The following OSBPL10 variants were observed in gnomAD, a reference collection of about 807,000 sequenced individuals.
OSBPL10 encodes oxysterol binding protein like 10, also known as oxysterol-binding protein-related protein 10.
In OSBPL10, 49 loss-of-function variants were observed where a neutral mutation model predicts 81.7. The observed-to-expected ratio is 0.60, with a 90% confidence interval of 0.48 to 0.76. The LOEUF is 0.76. OSBPL10 is among the 30% of genes least tolerant of loss of function. The probability of loss-of-function intolerance (pLI) is 0.00; values close to 1 mark genes in which losing one functional copy is unlikely to be tolerated. For missense variants in OSBPL10, 923 were observed against 987.8 expected (o/e 0.93, Z 0.88); for synonymous variants, 419 against 383.6 (o/e 1.09, Z -1.08).
At chr3:31,850,054 A>C (rs1379062615) in intron 3 of OSBPL10, among the ~76,000 whole-genome samples, 1 of 152,128 alleles carries the variant, frequency 6.6e-6, no homozygotes, top group Non-Finnish European at 1.5e-5. Flanking sequence ...AATCCCAGCT[A>C]CTCGGGAGGC....
chr3:31,963,762 T>C (rs942659164), intron 1 of OSBPL10, among the ~76,000 whole-genome samples: 18 of 152,270 alleles, frequency 1.2e-4, no homozygotes, highest in African/African-American at 3.6e-4. Context: ...TTTTGTTCCA[T>C]AGTCATGAAA....
intron 4 of OSBPL10, among the ~76,000 whole-genome samples, chr3:31,776,118 A>C (rs2198761): frequency 0.8 from 121,345 of 151,866 alleles, 48,665 homozygotes; most frequent in African/African-American, 0.86. Context: ...ACTCAATGGT[A>C]TCAAGCAGAG....
intron 6 of OSBPL10, among the ~76,000 whole-genome samples, chr3:31,713,419 C>CA (rs931487661): frequency 6.6e-6 from 1 of 152,030 alleles, no homozygotes; most frequent in Non-Finnish European, 1.5e-5. Flanking sequence ...TATTTTGTGA[C>CA]AGAGTCTCAC....
chr3:31,941,924 C>T (rs1179067091), intron 1 of OSBPL10, among the ~76,000 whole-genome samples: 1 of 152,174 alleles, frequency 6.6e-6, no homozygotes, highest in African/African-American at 2.4e-5. Context: ...GAACTATTAT[C>T]GGCTGGCTGC....
At chr3:31,692,118 T>A (rs984502867) in intron 7 of OSBPL10, among the ~76,000 whole-genome samples, 3 of 152,162 alleles carry the variant, frequency 2.0e-5, no homozygotes, top group Admixed American at 2.0e-4. Flanking sequence ...TAGAAAGATA[T>A]CTGTTGAAGT....
chr3:31,672,833 T>C (rs758538880), intron 8 of OSBPL10, among the ~76,000 whole-genome samples: 6 of 152,098 alleles, frequency 3.9e-5, no homozygotes, highest in Non-Finnish European at 7.4e-5. Flanking sequence ...ATGAAGGCAC[T>C]GAGACACCCA....
At chr3:32,015,778 T>A (rs1699307765) in intron 2 of OSBPL10, among the ~76,000 whole-genome samples, 1 of 152,120 alleles carries the variant, frequency 6.6e-6, no homozygotes, top group Non-Finnish European at 1.5e-5. Context: ...CATCAACAAG[T>A]GGGCGAAGGA....
At chr3:31,845,775 G>A (rs1267509215) in intron 3 of OSBPL10, among the ~76,000 whole-genome samples, 1 of 152,140 alleles carries the variant, frequency 6.6e-6, no homozygotes, top group Non-Finnish European at 1.5e-5. Context: ...GGCAACATGG[G>A]CAAACCGATG....
rs777721387 is a variant in OSBPL10 at position 31,879,694 on chromosome 3, C to G, written c.418G>C (p.Val140Leu). ...ATCTCTCCATTAGCAGAGTACACCA[C>G]CAGCATGTGGGGAGCTTCATCGCTC... ...SLSDEAPHML[V>L]VYSANGEMFK... The change falls in exon 2 of 12, where the codon GTG becomes CTG. Residue 140 changes from valine (V) to leucine (L), a missense_variant. Transcript: ENST00000396556. The G allele has an allele frequency of 6.2e-7, 1 of 1,614,158 alleles. No individual in the cohort carries two copies. Among genetic ancestry groups the G allele is most frequent in the Non-Finnish European group, 8.5e-7 (1 of 1,180,014 alleles).
intron 2 of OSBPL10, among the ~76,000 whole-genome samples, chr3:32,024,115 G>T (rs1699381734): frequency 6.6e-6 from 1 of 151,904 alleles, no homozygotes; most frequent in Non-Finnish European, 1.5e-5. Context: ...TCGTTTTAAT[G>T]GTAAATTTTG....
At chr3:32,032,761 G>A (rs1699485191) in intron 2 of OSBPL10, among the ~76,000 whole-genome samples, 1 of 152,134 alleles carries the variant, frequency 6.6e-6, no homozygotes, top group Non-Finnish European at 1.5e-5. Context: ...ATGTTTCTAG[G>A]ATAACGAATT....
intron 2 of OSBPL10, chr3:31,990,886 T>C: frequency 6.3e-7 from 1 of 1,576,018 alleles, no homozygotes; most frequent in Non-Finnish European, 8.6e-7. Flanking sequence ...TGGCAAAGCC[T>C]TTACTTCACA....
At chr3:31,708,992 C>A in intron 6 of OSBPL10, 5 of 985,450 alleles carry the variant, frequency 5.1e-6, no homozygotes, top group Non-Finnish European at 6.0e-6. Flanking sequence ...GAGCCACTTC[C>A]AAAGCCAGGC....
chr3:31,687,412 T>C (rs1700819584), intron 7 of OSBPL10, among the ~76,000 whole-genome samples: 2 of 152,050 alleles, frequency 1.3e-5, no homozygotes, highest in Admixed American at 1.3e-4. Context: ...AGGAGAAGAA[T>C]TTAAGATATT....
intron 7 of OSBPL10, 71 bp from the exon 8 acceptor site, chr3:31,684,185 G>C (rs972297411): frequency 1.9e-5 from 30 of 1,567,474 alleles, no homozygotes; most frequent in Non-Finnish European, 2.5e-5. Context: ...AAAGGTAAAG[G>C]CTGCAACCAC....
chr3:32,003,902 T>G (rs1429622124), intron 2 of OSBPL10, among the ~76,000 whole-genome samples: 3 of 152,106 alleles, frequency 2.0e-5, no homozygotes, highest in Admixed American at 2.0e-4. Context: ...GGGCTAATAC[T>G]AAGGGCTCTT....
chr3:31,685,169 G>C (rs554933582), intron 7 of OSBPL10, among the ~76,000 whole-genome samples: 2 of 152,268 alleles, frequency 1.3e-5, no homozygotes, highest in South Asian at 2.1e-4. Flanking sequence ...CACTGTCCTA[G>C]AGTGATCTTA....
At chr3:31,867,922 T>C (rs902379404) in intron 3 of OSBPL10, among the ~76,000 whole-genome samples, 3 of 152,088 alleles carry the variant, frequency 2.0e-5, no homozygotes, top group African/African-American at 7.2e-5. Flanking sequence ...ACTCTCACAG[T>C]CACTTTAAAA....
rs1365333303 is a variant in OSBPL10 at position 32,066,196 on chromosome 3, G to A, written n.185+11200C>T. On this transcript the variant is annotated intron_variant and non_coding_transcript_variant, in intron 1 of 3. Transcript: ENST00000479173. The stretch of plus-strand genomic sequence containing the variant: ...AGGAAGGAAGGAAGGAAGGAAGGAA[G>A]GAAGGAAGGAAGGAAGGAAGGACAT... Among the ~76,000 whole-genome samples, 5 of 80,368 alleles carry A rather than the reference G, an allele frequency of 6.2e-5. 2 individuals carry two copies. Among genetic ancestry groups the A allele is most frequent in the African/African-American group, 1.2e-4 (4 of 32,692 alleles). 52.7% of individuals were successfully genotyped at this position (80,368 alleles called of 152,430 possible).
Sources: gnomAD v4.1 joint callset for allele counts (sites outside exome capture counted in the v4.1 genomes callset) on GRCh38, gnomAD v4.1.1 for gene constraint, MANE v1.5 for transcripts, NCBI Gene and HGNC (gene_info 2026-07-23, HGNC 2026-07-21) for gene names.